The following ZNF257 variants were observed in gnomAD, a reference collection of about 807,000 sequenced individuals.
The protein encoded by ZNF257 is zinc finger protein 257.
Under a neutral mutation model 11.9 loss-of-function variants are expected in ZNF257, and 12 were observed. That is an observed-to-expected ratio of 1.01 (90% CI 0.65 to 1.63). The LOEUF is 1.63. Among genes scored for constraint, ZNF257 ranks in the 40% most tolerant of loss-of-function variants. ZNF257 has a pLI of 0.00. For synonymous variants in ZNF257, 183 were observed against 222.7 expected (o/e 0.82, Z 1.59); for missense variants, 580 against 665.5 (o/e 0.87, Z 1.41).
At chr19:22,065,302 C>T (rs549622791) in intron 1 of ZNF257, among the ~76,000 whole-genome samples, 134 of 151,920 alleles carry the variant, frequency 8.8e-4, no homozygotes, top group Non-Finnish European at 1.6e-3. Context: ...CAGGTTCAAG[C>T]GATTCTCCTG....
At chr19:22,077,005 A>G (rs980962260) in intron 3 of ZNF257, among the ~76,000 whole-genome samples, 8 of 152,042 alleles carry the variant, frequency 5.3e-5, no homozygotes, top group African/African-American at 1.9e-4. Context: ...TACCATCTTT[A>G]ATCTGTTTAA....
rs774305590 is a variant in ZNF257, at chr19:22,088,958, A to T, written c.1208A>T (p.Asp403Val). 6.2e-7 allele frequency: 1 copy of T among 1,612,400 alleles called. No homozygotes were observed. Among genetic ancestry groups the T allele is most frequent in the Admixed American group, 1.7e-5 (1 of 59,830 alleles). Residue 403 changes from aspartate (D) to valine (V), a missense_variant, in exon 4 of 4, where the codon GAT becomes GTT. Asp to Val is a radical substitution (Grantham distance 152, BLOSUM62 -3). Transcript: ENST00000594947. ...IHTREKAYKC[D>V]EYCKAFNWSS... ...ACTAGAGAGAAGGCCTACAAATGTG[A>T]TGAATATTGCAAAGCTTTTAACTGG...
intron 1 of ZNF257, among the ~76,000 whole-genome samples, chr19:22,063,102 T>C (rs576928819): frequency 6.6e-6 from 1 of 152,254 alleles, no homozygotes; most frequent in Admixed American, 6.5e-5. Context: ...CTTGGCAGGA[T>C]GTATTTGTCC....
chr19:22,087,578 A>C, intron 3 of ZNF257: 1 of 1,230,534 alleles, frequency 8.1e-7, no homozygotes, highest in Non-Finnish European at 1.0e-6. Flanking sequence ...AAGACCCCTA[A>C]AAGCCAGACA....
At position 22,052,640 on chromosome 19, in the gene ZNF257, G is replaced by C; in HGVS notation, c.3+5G>C. 1.2e-6 allele frequency: 2 copies of C among 1,607,814 alleles called. No individual in the cohort carries two copies. Among genetic ancestry groups the C allele is most frequent in the Non-Finnish European group, 1.7e-6 (2 of 1,176,146 alleles). ...CCTCCTGGAAGCCTAGAAATGGTGA[G>C]AGTGCTGGGTCCGACATCCTGGGAG... On this transcript the variant is annotated splice_donor_5th_base_variant and intron_variant, in intron 1 of 3. Transcript: ENST00000594947.
rs765076500 is a variant in ZNF257 at position 22,073,507 on chromosome 19, G to C, written c.169G>C (p.Glu57Gln). ...VSKPDLITCL[E>Q]QGKEPCNMKR... ...TAAGCCAGACCTGATCACCTGTCTGGAGCAAGGAAAAGAGCCCTGTAATAT... is the reference window on the plus strand; with the variant it reads ...TAAGCCAGACCTGATCACCTGTCTGCAGCAAGGAAAAGAGCCCTGTAATAT... Residue 57 changes from glutamate (E) to glutamine (Q), a missense_variant, in exon 3 of 4, where the codon GAG (glutamate) becomes CAG (glutamine). Coordinates refer to ENST00000594947, the MANE Select transcript of ZNF257 (RefSeq NM_033468.4). The C allele has an allele frequency of 1.1e-4, 178 of 1,611,890 alleles. No homozygotes were observed. The highest frequency in any genetic ancestry group is 1.3e-4 in the Non-Finnish European group (159 of 1,179,172).
chr19:22,072,683 T>C (rs1034285679), intron 1 of ZNF257, 126 bp from the exon 2 acceptor site: 2 of 1,040,354 alleles, frequency 1.9e-6, no homozygotes, highest in Admixed American at 2.6e-5. Flanking sequence ...TCTTGGATAA[T>C]TTTGGTCACT....
Position 22,088,255 on chromosome 19 carries a change from GA to G in ZNF257, c.509del (p.Lys170ArgfsTer19). ...AGATAGACATAAGATAAGACATACT[GA>G]AAAGAAAACTTGCAAATGTAAAGAA... ...NSDRHKIRHT[E>X]KKTCKCKECG... On this transcript the variant is annotated frameshift_variant, in exon 4 of 4. Coordinates refer to ENST00000594947, the MANE Select transcript of ZNF257 (RefSeq NM_033468.4). LOFTEE classifies it low-confidence loss of function (END_TRUNC). 6.2e-7 allele frequency: 1 copy of G among 1,613,064 alleles called. No individual in the cohort carries two copies. Among genetic ancestry groups the G allele is most frequent in the Non-Finnish European group, 8.5e-7 (1 of 1,179,504 alleles).
rs144992766 is a variant in ZNF257 at position 22,081,000 on chromosome 19, C to T, written c.227-6977C>T. Among the ~76,000 whole-genome samples, 496 of 151,668 alleles carry T rather than the reference C, an allele frequency of 3.3e-3. 4 individuals carry two copies. Among genetic ancestry groups the T allele is most frequent in the African/African-American group, 0.012 (479 of 41,376 alleles). On this transcript the variant is annotated intron_variant, in intron 3 of 3. Coordinates refer to ENST00000594947, the MANE Select transcript of ZNF257 (RefSeq NM_033468.4). ...TCAAACAATTCTTCCACCTCAGCCTCCCGAGTTGCTGGGACTACAAGGCAC... is the reference window on the plus strand; with the variant it reads ...TCAAACAATTCTTCCACCTCAGCCTTCCGAGTTGCTGGGACTACAAGGCAC...
At position 22,089,540 on chromosome 19, in the gene ZNF257, C is replaced by A. The variant is rs780832829; in HGVS notation, c.*98C>A. 1.3e-6 allele frequency: 2 copies of A among 1,497,702 alleles called. No homozygotes were observed. The highest frequency in any genetic ancestry group is 1.8e-6 in the Non-Finnish European group (2 of 1,128,574). The allele number at this position is 1,497,702 out of a possible 1,614,324, so 92.8% of individuals were successfully genotyped here. ...GGGAATTCATAATAGAGAAACCCTA[C>A]AAATGTGAAGAACGTGGCCTGGCTT... On this transcript the variant is annotated 3_prime_UTR_variant, in exon 4 of 4. Coordinates refer to ENST00000594947, the MANE Select transcript of ZNF257 (RefSeq NM_033468.4).
At chr19:22,081,916 T>C (rs988534939) in intron 3 of ZNF257, among the ~76,000 whole-genome samples, 6 of 152,128 alleles carry the variant, frequency 3.9e-5, no homozygotes, top group African/African-American at 1.4e-4. Context: ...ATAGATATGT[T>C]TTTTCTCATT....
At chr19:22,069,071 C>A (rs1368174568) in intron 1 of ZNF257, among the ~76,000 whole-genome samples, 12 of 152,074 alleles carry the variant, frequency 7.9e-5, no homozygotes, top group African/African-American at 2.9e-4. Flanking sequence ...ATGACAGTTT[C>A]TTCAATTGCT....
Position 22,089,671 on chromosome 19 carries a change from C to G in ZNF257, c.*229C>G. On this transcript the variant is annotated 3_prime_UTR_variant, in exon 4 of 4. Coordinates refer to ENST00000594947, the MANE Select transcript of ZNF257 (RefSeq NM_033468.4). ...GCCTCTTCCCAGTTCTCAACTCTTA[C>G]TAAACATGAGAACACATGTGGAAGA... The G allele has an allele frequency of 1.8e-6, 2 of 1,109,984 alleles. No individual in the cohort carries two copies. Among genetic ancestry groups the G allele is most frequent in the South Asian group, 3.6e-5 (2 of 55,082 alleles). The allele number at this position is 1,109,984 out of a possible 1,614,324, so 68.8% of individuals were successfully genotyped here. A position where few individuals can be genotyped will look rare whatever the true frequency, so the allele number is the denominator to read the frequency against.
At chr19:22,072,089 T>G (rs576435526) in intron 1 of ZNF257, among the ~76,000 whole-genome samples, 1 of 152,286 alleles carries the variant, frequency 6.6e-6, no homozygotes, top group Admixed American at 6.5e-5. Flanking sequence ...ACGATTTACT[T>G]CTGGGAGAAA....
At chr19:22,073,926 C>A (rs967533152) in intron 3 of ZNF257, among the ~76,000 whole-genome samples, 5 of 152,040 alleles carry the variant, frequency 3.3e-5, no homozygotes, top group Non-Finnish European at 5.9e-5. Flanking sequence ...TTCTTAAGTT[C>A]TCTTTTTGCA....
chr19:22,071,368 A>G (rs1179079553), intron 1 of ZNF257, among the ~76,000 whole-genome samples: 1 of 152,152 alleles, frequency 6.6e-6, no homozygotes, highest in African/African-American at 2.4e-5. Context: ...TGGTGGTAGC[A>G]GGTAAATGGG....
chr19:22,060,629 G>A (rs201374898), intron 1 of ZNF257: 1 of 151,940 alleles, frequency 6.6e-6, no homozygotes, highest in Non-Finnish European at 1.5e-5. Flanking sequence ...GGGATTACAG[G>A]TGCCCACCAC....
intron 1 of ZNF257, among the ~76,000 whole-genome samples, chr19:22,071,993 C>T (rs941544062): frequency 7.9e-5 from 12 of 152,106 alleles, no homozygotes; most frequent in Admixed American, 6.5e-5. Flanking sequence ...TACTTAAAAT[C>T]ACTATTAAAA....
At chr19:22,055,315 C>T (rs2021600091) in intron 1 of ZNF257, among the ~76,000 whole-genome samples, 2 of 152,080 alleles carry the variant, frequency 1.3e-5, no homozygotes, top group South Asian at 4.1e-4. Flanking sequence ...CAAGGATTCT[C>T]CTGCCTCAGC....
Sources: allele counts gnomAD v4.1 joint callset (sites outside exome capture counted in the v4.1 genomes callset), GRCh38; gene constraint gnomAD v4.1.1; transcripts MANE v1.5; gene names NCBI Gene and HGNC (gene_info 2026-07-23, HGNC 2026-07-21).